Variants in SLC5A6 observed in about 807,000 individuals in gnomAD.
SLC5A6 encodes solute carrier family 5 member 6.
SLC5A6 carries 31 observed loss-of-function variants against 67.9 expected under a neutral mutation model. The ratio of observed to expected loss-of-function variants is 0.46; its 90% CI spans 0.34 to 0.62. The LOEUF is 0.62. Ranked by LOEUF, SLC5A6 falls within the 20% of genes least tolerant of loss-of-function variation. The pLI, the probability that SLC5A6 is intolerant of heterozygous loss-of-function variation, is 0.01. For missense variants in SLC5A6, 673 were observed against 812.8 expected, an observed-to-expected ratio of 0.83 and a Z score of 2.09; for synonymous variants, 343 against 331.0, an observed-to-expected ratio of 1.04 and a Z score of -0.39.
Position 27,212,099 on chromosome 2 carries a change from G to C in SLC5A6, c.-287C>G. ...ACGCGGGGAACACCGGGCTGAGGGA[G>C]TCTGCAGTCGGCTCCGGGAAGCCGC... is the stretch of plus-strand genomic sequence containing the variant. On this transcript the variant is annotated 5_prime_UTR_variant, in exon 1 of 17. Transcript: ENST00000310574. 1 of 1,444,004 alleles carries C rather than the reference G, an allele frequency of 6.9e-7. No individual in the cohort carries two copies. The highest frequency in any genetic ancestry group is 9.2e-7 in the Non-Finnish European group (1 of 1,085,472). The allele number at this position is 1,444,004 out of a possible 1,614,324, so 89.4% of individuals were successfully genotyped here. A position where few individuals can be genotyped will look rare whatever the true frequency, so the allele number is the denominator to read the frequency against.
Position 27,200,400 on chromosome 2 carries a change from GCA to G in SLC5A6, c.*34_*35del. 1 of 1,585,364 alleles carries G rather than the reference GCA, an allele frequency of 6.3e-7. No individual in the cohort carries two copies. The highest frequency in any genetic ancestry group is 8.6e-7 in the Non-Finnish European group (1 of 1,165,476). On this transcript the variant is annotated 3_prime_UTR_variant, in exon 17 of 17. Transcript: ENST00000310574. ...CAGGGTGGCCTCTGGCTATGGCCTG[GCA>G]CAGTGAGGACAGAGGCGGGGTCCTG...
rs1456342164 is a variant in SLC5A6 at position 27,206,463 on chromosome 2, G to C, written c.511+20C>G. Reference sequence around the variant, plus strand: ...CCTAACCTACCACGGCTGAAAGCCAGGGGCTGTGTGACTCCTCACCTGCAT... The same window carrying C: ...CCTAACCTACCACGGCTGAAAGCCACGGGCTGTGTGACTCCTCACCTGCAT... On this transcript the variant is annotated intron_variant, in intron 5 of 16. Transcript: ENST00000310574. 6.2e-7 allele frequency: 1 copy of C among 1,613,150 alleles called. No individual in the cohort carries two copies. The highest frequency in any genetic ancestry group is 2.2e-5 in the East Asian group (1 of 44,882).
chr2:27,205,003 A>G, intron 7 of SLC5A6, 72 bp from the exon 8 acceptor site: 1 of 1,575,908 alleles, frequency 6.3e-7, no homozygotes, highest in Non-Finnish European at 8.6e-7. Flanking sequence ...TGGCAACAGG[A>G]GTCAGTGGAC....
chr2:27,212,772 C>T, upstream of SLC5A6: 2 of 750,158 alleles, frequency 2.7e-6, no homozygotes, highest in East Asian at 3.7e-5. Flanking sequence ...CGCACGAACG[C>T]CATATATCGT....
At chr2:27,202,526 G>A (rs116584770) in intron 12 of SLC5A6, among the ~76,000 whole-genome samples, 1,047 of 37,644 alleles carry the variant, frequency 0.028, 2 homozygotes, top group East Asian at 0.067. Context: ...AAAAAAAAAA[G>A]AACTCCAGAG....
intron 11 of SLC5A6, 86 bp downstream of exon 11, chr2:27,203,147 T>G: frequency 6.3e-7 from 1 of 1,588,876 alleles, no homozygotes; most frequent in South Asian, 1.1e-5. Context: ...CCGGATAAAG[T>G]GGGTGTTTTA....
chr2:27,206,154 G>T, intron 5 of SLC5A6, 61 bp from the exon 6 acceptor site: 1 of 1,422,024 alleles, frequency 7.0e-7, no homozygotes, highest in Non-Finnish European at 9.9e-7. Context: ...GAGAAGCCCT[G>T]GTAGGGCAAT....
chr2:27,205,242 C>T lies in SLC5A6; in HGVS notation c.734+108G>A, dbSNP rs941912965. ...AGTTTCCCACTGTCTGCTGTTACAC[C>T]TCAGGCTTCCCAGTTTACCTTCTGC... On this transcript the variant is annotated intron_variant, in intron 7 of 16. Transcript: ENST00000310574. 3 of 1,155,378 alleles carry T rather than the reference C, an allele frequency of 2.6e-6. No homozygotes were observed. In the South Asian group the frequency reaches 4.5e-5, roughly 17 times the overall value. The allele number at this position is 1,155,378 out of a possible 1,614,324, so 71.6% of individuals were successfully genotyped here. A position where few individuals can be genotyped will look rare whatever the true frequency, so the allele number is the denominator to read the frequency against.
chr2:27,212,344 C>G, upstream of SLC5A6: 1 of 1,549,590 alleles, frequency 6.5e-7, no homozygotes, highest in Non-Finnish European at 8.7e-7. Context: ...GTCGCGCGAG[C>G]AGCGGAGCAC....
Position 27,206,862 on chromosome 2 carries a change from C to A in SLC5A6, c.459+15G>T, listed in dbSNP as rs768507821. On this transcript the variant is annotated intron_variant, in intron 4 of 16. Coordinates refer to ENST00000310574, the MANE Select transcript of SLC5A6 (RefSeq NM_021095.4). Reference sequence around the variant, plus strand: ...AACATGCCCTAGGCTCGGTTTCTATCCTCATTCTGCTTACCATCTGAAAGA... The same window carrying A: ...AACATGCCCTAGGCTCGGTTTCTATACTCATTCTGCTTACCATCTGAAAGA... 1.2e-6 allele frequency: 2 copies of A among 1,606,448 alleles called. No homozygotes were observed. The highest frequency in any genetic ancestry group is 3.3e-5 in the Admixed American group (2 of 60,004).
chr2:27,206,803 C>T (rs1429749003), intron 4 of SLC5A6, 74 bp downstream of exon 4: 7 of 1,188,886 alleles, frequency 5.9e-6, no homozygotes, highest in Non-Finnish European at 7.6e-6. Flanking sequence ...GGGGAGACTC[C>T]AATTCCCTCA....
chr2:27,200,473 C>T lies in SLC5A6; in HGVS notation c.1871G>A (p.Ser624Asn), dbSNP rs763610397. The change falls in exon 17 of 17, where the codon AGC becomes AAC. Residue 624 changes from serine (S) to asparagine (N), a missense_variant. Coordinates refer to ENST00000310574, the MANE Select transcript of SLC5A6 (RefSeq NM_021095.4). ...CTCCTGGAGGATGCAGGTGGAGCTG[C>T]TCCCCTGATAGGCTGTGCCATCCAG... ...MALDGTAYQGSSSTCILQETS... is the reference protein window; with the variant it reads ...MALDGTAYQGNSSTCILQETS... 57 of 1,613,814 alleles carry T rather than the reference C, an allele frequency of 3.5e-5. No homozygotes were observed. In the Middle Eastern group the frequency reaches 6.6e-4, roughly 19 times the overall value.
Position 27,212,054 on chromosome 2 carries a change from G to A in SLC5A6, c.-242C>T, listed in dbSNP as rs1407666348. On this transcript the variant is annotated 5_prime_UTR_variant, in exon 1 of 17. Coordinates refer to ENST00000310574, the MANE Select transcript of SLC5A6 (RefSeq NM_021095.4). The stretch of plus-strand genomic sequence containing the variant: ...ATGGAGGGGCCCGAGTTTCTGCGAA[G>A]CCGCGACCTCGGCGTCCGGACGCGG... The A allele has an allele frequency of 2.8e-6, 3 of 1,072,482 alleles. No individual in the cohort carries two copies. The highest frequency in any genetic ancestry group is 3.4e-5 in the African/African-American group (2 of 58,378). 66.4% of individuals were successfully genotyped at this position (1,072,482 alleles called of 1,614,324 possible). A position where few individuals can be genotyped will look rare whatever the true frequency, so the allele number is the denominator to read the frequency against.
chr2:27,209,262 T>TG (rs1674294377), intron 2 of SLC5A6, among the ~76,000 whole-genome samples: 1 of 152,214 alleles, frequency 6.6e-6, no homozygotes, highest in Non-Finnish European at 1.5e-5. Context: ...GGCAATCCTC[T>TG]GGGGTACTTA....
intron 12 of SLC5A6, 51 bp from the exon 13 acceptor site, chr2:27,202,125 G>T: frequency 1.5e-6 from 2 of 1,308,982 alleles, no homozygotes; most frequent in Non-Finnish European, 2.2e-6. Flanking sequence ...ACTCAGAGAT[G>T]CCCAGACTCA....
At position 27,202,049 on chromosome 2, in the gene SLC5A6, A is replaced by T. The variant is rs1383004727; in HGVS notation, c.1301T>A (p.Val434Asp). The T allele has an allele frequency of 6.2e-7, 1 of 1,613,980 alleles. No homozygotes were observed. The highest frequency in any genetic ancestry group is 8.5e-7 in the Non-Finnish European group (1 of 1,179,966). Reference sequence around the variant, plus strand: ...GAAGAGTCCCAGCAGCGGTCCCCCAACCATGCCAAAGATGCTGATTGCTGC... The same window carrying T: ...GAAGAGTCCCAGCAGCGGTCCCCCATCCATGCCAAAGATGCTGATTGCTGC... ...LQAAISIFGM[V>D]GGPLLGLFCL... The change falls in exon 13 of 17, where the codon GTT becomes GAT. Residue 434 changes from valine (V) to aspartate (D), a missense_variant. By Grantham distance (152) the Val-to-Asp change is radical. Coordinates refer to ENST00000310574, the MANE Select transcript of SLC5A6 (RefSeq NM_021095.4).
rs774015644 is a variant in SLC5A6 at position 27,201,825 on chromosome 2, G to C, written c.1385C>G (p.Ala462Gly). ...AATCCAGAAGGCCATGACGAGCCCA[G>C]CCAACAGGCCCACAACAGCACCCTG... ...NPPGAVVGLL[A>G]GLVMAFWIGI... Residue 462 changes from alanine to glycine, a missense_variant, in exon 14 of 17, where the codon GCT (alanine) becomes GGT (glycine). Transcript: ENST00000310574. 1.9e-6 allele frequency: 3 copies of C among 1,614,128 alleles called. No individual in the cohort carries two copies. The East Asian group carries it at 6.7e-5, about 36-fold the overall frequency.
intron 12 of SLC5A6, among the ~76,000 whole-genome samples, chr2:27,202,503 C>CAAAAA (rs10638396): frequency 0.73 from 53,036 of 72,220 alleles, 22,128 homozygotes; most frequent in Non-Finnish European, 0.85. Context: ...GACTCTGTCT[C>CAAAAA]AAAAAAAAAA....
At position 27,207,118 on chromosome 2, in the gene SLC5A6, G is replaced by A. The variant is rs1461679432; in HGVS notation, c.393+140C>T. 1.8e-6 allele frequency: 2 copies of A among 1,097,600 alleles called. No homozygotes were observed. The highest frequency in any genetic ancestry group is 3.1e-5 in the African/African-American group (2 of 63,924). 68.0% of individuals were successfully genotyped at this position (1,097,600 alleles called of 1,614,324 possible). On this transcript the variant is annotated intron_variant, in intron 3 of 16. Transcript: ENST00000310574. The surrounding 1 kb of genome is among the most constrained non-coding windows in gnomAD (Gnocchi z 5.5). ...CCCTATACCTAACATCACTGAGAAA[G>A]AATTATAAACACACAATGAGTTTTC...
Sources: gnomAD v4.1 joint callset for allele counts (sites outside exome capture counted in the v4.1 genomes callset) on GRCh38, gnomAD v4.1.1 for gene constraint, Gnocchi (gnomAD v3.1) non-coding constraint, MANE v1.5 for transcripts, NCBI Gene and HGNC (gene_info 2026-07-23, HGNC 2026-07-21) for gene names.